The following WDR27 variants were observed in gnomAD, a reference collection of about 807,000 sequenced individuals.
WDR27 encodes the protein WD repeat domain 27.
WDR27 carries 100 observed loss-of-function variants against 114.4 expected under a neutral mutation model. The observed-to-expected ratio is 0.87, with a 90% confidence interval of 0.74 to 1.03. The LOEUF is 1.03. WDR27 is among the 50% of genes least tolerant of loss of function. The pLI is 0.00. For synonymous variants in WDR27, 449 were observed against 423.1 expected, an observed-to-expected ratio of 1.06 and a Z score of -0.75; for missense variants, 1,129 against 1,092.9, an observed-to-expected ratio of 1.03 and a Z score of -0.47.
intron 2 of WDR27, among the ~76,000 whole-genome samples, chr6:169,682,305 T>C (rs1283654655): frequency 6.6e-6 from 1 of 152,074 alleles, no homozygotes; most frequent in Non-Finnish European, 1.5e-5. Flanking sequence ...CAATCTCAAC[T>C]CCCATTCCTC....
intron 21 of WDR27, among the ~76,000 whole-genome samples, chr6:169,623,899 C>G (rs1813981694): frequency 6.6e-6 from 1 of 152,098 alleles, no homozygotes; most frequent in Non-Finnish European, 1.5e-5. Flanking sequence ...AGTAAATGAG[C>G]CTAGGAGTGA....
intron 25 of WDR27, among the ~76,000 whole-genome samples, chr6:169,535,628 C>G (rs993139170): frequency 6.6e-6 from 1 of 152,148 alleles, no homozygotes; most frequent in African/African-American, 2.4e-5. Flanking sequence ...CCCAGATGTA[C>G]TTAATGCAGC....
chr6:169,621,828 G>GTATTCACGCATATACACACA (rs994673566), intron 21 of WDR27, among the ~76,000 whole-genome samples: 10 of 151,944 alleles, frequency 6.6e-5, no homozygotes, highest in African/African-American at 9.7e-5. Flanking sequence ...ATATACACAC[G>GTATTCACGCATATACACACA]TATTCACGCA....
rs552211982 is a variant in WDR27 at position 169,495,892 on chromosome 6, A to G, written c.2646-38258T>C. 5.7e-4 allele frequency among the ~76,000 whole-genome samples: 83 copies of G among 146,776 alleles called. 1 individual carries two copies. Among genetic ancestry groups the G allele is most frequent in the Middle Eastern group, 3.5e-3 (1 of 288 alleles). On this transcript the variant is annotated intron_variant, in intron 25 of 25. Transcript: ENST00000448612. ...CTCCAACTTTTCCAAAAACTGGGGG[A>G]AAAAAAAACACTTCTTACCTCATTC...
intron 1 of WDR27, among the ~76,000 whole-genome samples, chr6:169,695,757 C>T (rs940811172): frequency 6.6e-5 from 10 of 152,170 alleles, no homozygotes; most frequent in African/African-American, 2.4e-4. Flanking sequence ...GGTTACTAAT[C>T]AGATGGGCTT....
At chr6:169,538,703 T>TACACACAC (rs10644528) in intron 25 of WDR27, among the ~76,000 whole-genome samples, 9,755 of 143,814 alleles carry the variant, frequency 0.068, 818 homozygotes, top group East Asian at 0.4. Flanking sequence ...CATACTGGAA[T>TACACACAC]ACACACACAC....
At chr6:169,509,841 G>A (rs1161313234) in intron 25 of WDR27, among the ~76,000 whole-genome samples, 1 of 152,114 alleles carries the variant, frequency 6.6e-6, no homozygotes, top group East Asian at 1.9e-4. Context: ...CAGTGAACAG[G>A]CAACCTACAG....
chr6:169,470,051 C>T lies in WDR27; in HGVS notation c.2646-12417G>A, dbSNP rs536087542. 2.0e-3 allele frequency among the ~76,000 whole-genome samples: 300 copies of T among 152,288 alleles called. 1 individual carries two copies. Among genetic ancestry groups the T allele is most frequent in the Admixed American group, 5.2e-3 (79 of 15,298 alleles). On this transcript the variant is annotated intron_variant, in intron 25 of 25. Transcript: ENST00000448612. ...TCAGAAACCTCCTCAGCTAAATATC[C>T]AATTCCATTGCTCACAAGTTCTACT...
At chr6:169,586,883 C>T (rs114724501) in intron 23 of WDR27, among the ~76,000 whole-genome samples, 2,253 of 82,734 alleles carry the variant, frequency 0.027, 89 homozygotes, top group African/African-American at 0.067. Context: ...AAGGCAGTCG[C>T]TTCCTGACTT....
the WDR27 span, among the ~76,000 whole-genome samples, chr6:169,452,032 G>T: frequency 1.3e-5 from 2 of 152,116 alleles, no homozygotes; most frequent in Non-Finnish European, 2.9e-5. Flanking sequence ...AGACAAGATG[G>T]TCAACTTAGC....
chr6:169,661,589 G>C (rs1261897000), intron 9 of WDR27, among the ~76,000 whole-genome samples: 6 of 152,196 alleles, frequency 3.9e-5, no homozygotes, highest in African/African-American at 1.4e-4. Flanking sequence ...TGTGGCTCTG[G>C]CTTAGCTCTG....
intron 23 of WDR27, among the ~76,000 whole-genome samples, chr6:169,591,261 T>C (rs960660803): frequency 2.6e-5 from 4 of 152,200 alleles, no homozygotes; most frequent in African/African-American, 4.8e-5. Context: ...TCTGTATGTG[T>C]TCTTAAGCAA....
intron 14 of WDR27, among the ~76,000 whole-genome samples, chr6:169,651,178 C>T (rs532831873): frequency 0.024 from 82 of 3,400 alleles, 8 homozygotes; most frequent in African/African-American, 0.14. Context: ...CACAGCAGTG[C>T]GGGGCGGGGG....
intron 25 of WDR27, chr6:169,558,825 C>A (rs1417181570): frequency 6.6e-6 from 1 of 152,174 alleles, no homozygotes; most frequent in African/African-American, 2.4e-5. Context: ...CAGAACTCAT[C>A]CAGAGTCCAT....
intron 25 of WDR27, among the ~76,000 whole-genome samples, chr6:169,493,001 G>A (rs948514627): frequency 2.6e-5 from 4 of 151,896 alleles, no homozygotes; most frequent in African/African-American, 4.8e-5. Flanking sequence ...AAAGAACAAG[G>A]GAAATAGCAG....
At chr6:169,653,793 C>G (rs1302424224) in intron 13 of WDR27, among the ~76,000 whole-genome samples, 2 of 152,218 alleles carry the variant, frequency 1.3e-5, no homozygotes, top group Admixed American at 6.5e-5. Context: ...TCCAGCCACA[C>G]AGGCTGAGGA....
At chr6:169,632,496 A>C (rs1816672802) in intron 21 of WDR27, among the ~76,000 whole-genome samples, 1 of 152,124 alleles carries the variant, frequency 6.6e-6, no homozygotes, top group Non-Finnish European at 1.5e-5. Flanking sequence ...TTCTCCTGTA[A>C]TGCCACCCTT....
At position 169,697,389 on chromosome 6, in the gene WDR27, G is replaced by A. The variant is rs546010996; in HGVS notation, c.-8+4162C>T. 4.8e-3 allele frequency among the ~76,000 whole-genome samples: 733 copies of A among 152,252 alleles called. 6 individuals are homozygous for A. Among genetic ancestry groups the A allele is most frequent in the Non-Finnish European group, 5.9e-3 (403 of 68,020 alleles). ...ACCGAGGTCTAGCGGTAGCCTCAGTGTCAAGGAAAAACACCTGCTACTTAG... is the reference window on the plus strand; with the variant it reads ...ACCGAGGTCTAGCGGTAGCCTCAGTATCAAGGAAAAACACCTGCTACTTAG... On this transcript the variant is annotated intron_variant, in intron 1 of 25. Transcript: ENST00000448612.
At chr6:169,555,329 AAAG>A (rs1449637119) in intron 25 of WDR27, among the ~76,000 whole-genome samples, 2 of 152,048 alleles carry the variant, frequency 1.3e-5, no homozygotes, top group Non-Finnish European at 2.9e-5. Context: ...CATTCCAAGC[AAAG>A]AAGAGCAGAC....
Sources: allele counts gnomAD v4.1 joint callset (sites outside exome capture counted in the v4.1 genomes callset), GRCh38; gene constraint gnomAD v4.1.1; transcripts MANE v1.5; gene names NCBI Gene and HGNC (gene_info 2026-07-23, HGNC 2026-07-21).